The following EEF2KMT variants were observed in gnomAD, a reference collection of about 807,000 sequenced individuals.
EEF2KMT encodes the protein eukaryotic elongation factor 2 lysine methyltransferase.
EEF2KMT carries 30 observed loss-of-function variants against 35.1 expected under a neutral mutation model. That is an observed-to-expected ratio of 0.85 (90% CI 0.64 to 1.16). The LOEUF (loss-of-function observed/expected upper bound fraction) is 1.16, where lower values mean the gene tolerates loss of function less well. EEF2KMT is among the 50% of genes most tolerant of loss of function. EEF2KMT has a pLI of 0.00. For missense variants in EEF2KMT, 499 were observed against 438.2 expected (o/e 1.14, Z -1.24); for synonymous variants, 190 against 187.7 (o/e 1.01, Z -0.10).
rs953208204 is a variant in EEF2KMT at position 5,090,710 on chromosome 16, C to G, written c.343-145G>C. The G allele has an allele frequency of 5.8e-5, 66 of 1,136,458 alleles. No individual in the cohort carries two copies. The highest frequency in any genetic ancestry group is 7.7e-5 in the Non-Finnish European group (61 of 796,688). The allele number at this position is 1,136,458 out of a possible 1,614,324, so 70.4% of individuals were successfully genotyped here. ...GAGAAGCAGCTAACTGTTGGCATGC[C>G]AACAGCTTTCACGGGCCTCAAGGGT... On this transcript the variant is annotated intron_variant, in intron 4 of 7. Transcript: ENST00000427587. This position sits in a 1 kb window ranked among gnomAD's most constrained non-coding sequence, Gnocchi z 4.1.
Position 5,084,877 on chromosome 16 carries a change from C to G in EEF2KMT, c.*755G>C. 6.3e-7 allele frequency: 1 copy of G among 1,593,876 alleles called. No individual in the cohort carries two copies. The highest frequency in any genetic ancestry group is 8.5e-7 in the Non-Finnish European group (1 of 1,178,796). ...ACTGTGCTCCCTTTGGTTATGGACA[C>G]ATAACTCCTGGGCCAGAGGCTAAAA... On this transcript the variant is annotated 3_prime_UTR_variant, in exon 8 of 8. Coordinates refer to ENST00000427587, the MANE Select transcript of EEF2KMT (RefSeq NM_201400.4).
intron 1 of EEF2KMT, 91 bp downstream of exon 1, chr16:5,097,553 G>A (rs1437172518): frequency 6.6e-7 from 1 of 1,511,578 alleles, no homozygotes. Context: ...CACGTGGCGG[G>A]AGCGCCAGGG....
intron 4 of EEF2KMT, 110 bp downstream of exon 4, chr16:5,091,684 A>T: frequency 6.5e-7 from 1 of 1,536,876 alleles, no homozygotes; most frequent in Admixed American, 2.0e-5. Context: ...CCTCATGTCT[A>T]AGACTGTAGA....
rs771931436 is a variant in EEF2KMT at position 5,097,695 on chromosome 16, ACTCTG to A, written c.40_44del (p.Gln14PhefsTer30). ...GTGCCGCCAGGAAGCGGCGCTCGAA[ACTCTG>A]CAGCAAGAGTTCGGTCCCCGCGTTC... On this transcript the variant is annotated frameshift_variant, in exon 1 of 8. Transcript: ENST00000427587. LOFTEE classifies it high-confidence loss of function. The A allele has an allele frequency of 1.3e-5, 21 of 1,581,274 alleles. No homozygotes were observed. In the African/African-American group the frequency reaches 2.7e-4, roughly 20 times the overall value.
chr16:5,090,493 A>G lies in EEF2KMT; in HGVS notation c.415T>C (p.Trp139Arg). The G allele has an allele frequency of 6.2e-7, 1 of 1,611,946 alleles. No homozygotes were observed. Among genetic ancestry groups the G allele is most frequent in the Non-Finnish European group, 8.5e-7 (1 of 1,179,834 alleles). Reference sequence around the variant, plus strand: ...TCTGCAAGGTAGAGGGCGGCGTCCCATGTGACCAGGCCTGTGGTACCGTAG... The same window carrying G: ...TCTGCAAGGTAGAGGGCGGCGTCCCGTGTGACCAGGCCTGTGGTACCGTAG... ...ISYGTTGLVTWDAALYLAEWA... is the reference protein window; with the variant it reads ...ISYGTTGLVTRDAALYLAEWA... Residue 139 changes from tryptophan to arginine, a missense_variant, in exon 5 of 8, where the codon TGG becomes CGG. Coordinates refer to ENST00000427587, the MANE Select transcript of EEF2KMT (RefSeq NM_201400.4). The surrounding 1 kb of genome is among the most constrained non-coding windows in gnomAD (Gnocchi z 4.1).
chr16:5,087,191 AAC>A (rs1437931693), intron 7 of EEF2KMT: 2 of 152,340 alleles, frequency 1.3e-5, no homozygotes, highest in African/African-American at 4.8e-5. Context: ...AAAATACACT[AAC>A]ACTAGCAATA....
At chr16:5,086,154 G>A (rs1426251072) in intron 7 of EEF2KMT, among the ~76,000 whole-genome samples, 2 of 152,102 alleles carry the variant, frequency 1.3e-5, no homozygotes, top group East Asian at 1.9e-4. Context: ...TGGCCAACAT[G>A]GTGAAATCCC....
chr16:5,093,011 A>G (rs112414192), intron 3 of EEF2KMT, among the ~76,000 whole-genome samples: 15 of 152,352 alleles, frequency 9.8e-5, no homozygotes, highest in African/African-American at 3.4e-4. Context: ...ATCAGTCAGG[A>G]AAGAGCTCAT....
chr16:5,095,637 G>A (rs2142785348), intron 1 of EEF2KMT, 123 bp from the exon 2 acceptor site: 1 of 1,474,484 alleles, frequency 6.8e-7, no homozygotes, highest in Non-Finnish European at 9.4e-7. Context: ...AGTTGGAAGT[G>A]GAAGCCACAG....
chr16:5,088,622 G>A (rs1018569748), intron 7 of EEF2KMT, among the ~76,000 whole-genome samples: 8 of 152,146 alleles, frequency 5.3e-5, no homozygotes, highest in Non-Finnish European at 1.0e-4. Flanking sequence ...GCTGACAAAT[G>A]TCAGGTCTGA....
intron 2 of EEF2KMT, 36 bp downstream of exon 2, chr16:5,095,416 C>G (rs769096044): frequency 6.2e-7 from 1 of 1,610,846 alleles, no homozygotes; most frequent in South Asian, 1.1e-5. Flanking sequence ...ATTCAGGAGG[C>G]AGGGTCATGA....
intron 6 of EEF2KMT, 122 bp downstream of exon 6, chr16:5,089,960 ACT>A (rs1338508758): frequency 1.4e-6 from 2 of 1,479,620 alleles, no homozygotes; most frequent in African/African-American, 2.8e-5. Context: ...GCCCAGAGTA[ACT>A]CTTCTGGAAG....
chr16:5,093,674 A>G (rs1299954643), intron 2 of EEF2KMT, 110 bp from the exon 3 acceptor site: 27 of 1,558,948 alleles, frequency 1.7e-5, no homozygotes, highest in Non-Finnish European at 2.6e-6. Context: ...TCCCTCAGCA[A>G]AGATGTAGAT....
At chr16:5,089,557 C>G in intron 6 of EEF2KMT, 1 of 493,346 alleles carries the variant, frequency 2.0e-6, no homozygotes, top group East Asian at 3.9e-5. Context: ...AAGCCTGACC[C>G]TGCCATGAAC....
At chr16:5,089,597 T>G (rs1957296802) in intron 6 of EEF2KMT, among the ~76,000 whole-genome samples, 1 of 152,222 alleles carries the variant, frequency 6.6e-6, no homozygotes. Context: ...CTGATTTGTC[T>G]GCTGGCTTGC....
chr16:5,087,166 C>G (rs1396175191), intron 7 of EEF2KMT: 3 of 152,102 alleles, frequency 2.0e-5, no homozygotes, highest in Admixed American at 1.3e-4. Flanking sequence ...AGAAGAATCG[C>G]CTTGGGCCAC....
chr16:5,093,863 G>A lies in EEF2KMT; in HGVS notation c.160-299C>T, dbSNP rs141310457. 4.4e-3 allele frequency among the ~76,000 whole-genome samples: 672 copies of A among 152,384 alleles called. 2 individuals are homozygous for A. The highest frequency in any genetic ancestry group is 0.02 in the Middle Eastern group (6 of 294). On this transcript the variant is annotated intron_variant, in intron 2 of 7. Transcript: ENST00000427587. ...CTCCCAGGGGAGCCAGTGTGAACCA[G>A]GGTTTGCAGTAAGGACAGTCGCCAA...
intron 3 of EEF2KMT, among the ~76,000 whole-genome samples, chr16:5,092,478 C>A (rs1596277666): frequency 6.6e-6 from 1 of 152,284 alleles, no homozygotes; most frequent in East Asian, 1.9e-4. Flanking sequence ...CCTGGTGGCA[C>A]AGGGCAGACC....
At chr16:5,089,917 G>C (rs1270422599) in intron 6 of EEF2KMT, among the ~76,000 whole-genome samples, 167 bp downstream of exon 6, 1 of 152,212 alleles carries the variant, frequency 6.6e-6, no homozygotes, top group Non-Finnish European at 1.5e-5. Flanking sequence ...GTCACCTTAA[G>C]AGGCACCCCT....
Sources: gnomAD v4.1 joint callset for allele counts (sites outside exome capture counted in the v4.1 genomes callset) on GRCh38, gnomAD v4.1.1 for gene constraint, Gnocchi (gnomAD v3.1) non-coding constraint, MANE v1.5 for transcripts, NCBI Gene and HGNC (gene_info 2026-07-23, HGNC 2026-07-21) for gene names.